ITGA9: variants seen among roughly 807,000 people sequenced by gnomAD.
The protein encoded by ITGA9 is integrin alpha-9.
A neutral mutation model predicts 127.8 loss-of-function variants in ITGA9; 56 were observed. The ratio of observed to expected loss-of-function variants is 0.44; its 90% CI spans 0.35 to 0.55. The LOEUF (loss-of-function observed/expected upper bound fraction) is 0.55, where lower values mean the gene tolerates loss of function less well. ITGA9 is among the 20% of genes least tolerant of loss of function. The pLI, the probability that ITGA9 is intolerant of heterozygous loss-of-function variation, is 0.00. For synonymous variants in ITGA9, 508 were observed against 514.5 expected, an observed-to-expected ratio of 0.99 and a Z score of 0.17; for missense variants, 1,196 against 1,347.1, an observed-to-expected ratio of 0.89 and a Z score of 1.76.
At chr3:37,472,913 C>CGGAT (rs1698448546) in intron 2 of ITGA9, among the ~76,000 whole-genome samples, 2 of 151,196 alleles carry the variant, frequency 1.3e-5, no homozygotes, top group African/African-American at 4.9e-5. Context: ...TTGGGGTGGG[C>CGGAT]GGATCACTTG....
chr3:37,592,132 C>T (rs1699826765), intron 15 of ITGA9, among the ~76,000 whole-genome samples: 1 of 152,144 alleles, frequency 6.6e-6, no homozygotes, highest in Non-Finnish European at 1.5e-5. Flanking sequence ...TGGACTGAGA[C>T]ATCTCCCTTT....
At chr3:37,722,305 C>T (rs1372921041) in intron 18 of ITGA9, among the ~76,000 whole-genome samples, 12 of 152,156 alleles carry the variant, frequency 7.9e-5, no homozygotes, top group Admixed American at 2.0e-4. Flanking sequence ...TAAACAGATT[C>T]GTTGAGATAT....
Position 37,452,258 on chromosome 3 carries a change from C to T in ITGA9, c.-117C>T. On this transcript the variant is annotated 5_prime_UTR_variant, in exon 1 of 28. Transcript: ENST00000264741. The surrounding 1 kb of genome is among the most constrained non-coding windows in gnomAD (Gnocchi z 7.3). ...GCGGGCCCGACGCCCGCATTCCGCCCGTGTCCAGGCGCAGAGCTCCCGCCC... is the reference window on the plus strand; with the variant it reads ...GCGGGCCCGACGCCCGCATTCCGCCTGTGTCCAGGCGCAGAGCTCCCGCCC... The T allele has an allele frequency of 2.2e-6, 1 of 455,498 alleles. No homozygotes were observed. The highest frequency in any genetic ancestry group is 2.9e-6 in the Non-Finnish European group (1 of 345,444). The allele number at this position is 455,498 out of a possible 1,614,324, so 28.2% of individuals were successfully genotyped here. A position where few individuals can be genotyped will look rare whatever the true frequency, so the allele number is the denominator to read the frequency against.
chr3:37,461,455 A>G (rs1008898958), intron 1 of ITGA9, among the ~76,000 whole-genome samples: 8 of 152,220 alleles, frequency 5.3e-5, no homozygotes, highest in South Asian at 4.1e-4. Flanking sequence ...TGCAAAGCCC[A>G]GAGCACAACA....
At chr3:37,588,924 C>T (rs1699786503) in intron 15 of ITGA9, among the ~76,000 whole-genome samples, 1 of 152,148 alleles carries the variant, frequency 6.6e-6, no homozygotes, top group African/African-American at 2.4e-5. Flanking sequence ...GGACCCAAGG[C>T]TGGGTCTGAG....
intron 15 of ITGA9, among the ~76,000 whole-genome samples, chr3:37,547,996 T>G (rs1288473217): frequency 2.0e-5 from 3 of 152,212 alleles, no homozygotes; most frequent in South Asian, 2.1e-4. Flanking sequence ...CAAATAGTAG[T>G]ATACTGTGTG....
intron 26 of ITGA9, among the ~76,000 whole-genome samples, chr3:37,801,842 G>A (rs1373857151): frequency 6.6e-6 from 1 of 152,166 alleles, no homozygotes; most frequent in Admixed American, 6.5e-5. Flanking sequence ...CTGAGGCTCA[G>A]AAACTGTGGT....
At chr3:37,695,550 G>A (rs1700876237) in intron 18 of ITGA9, among the ~76,000 whole-genome samples, 2 of 152,220 alleles carry the variant, frequency 1.3e-5, no homozygotes, top group Admixed American at 6.5e-5. Context: ...GAATGTGAAT[G>A]TACGGCTACA....
At chr3:37,729,939 T>C (rs1696266647) in intron 18 of ITGA9, among the ~76,000 whole-genome samples, 1 of 152,118 alleles carries the variant, frequency 6.6e-6, no homozygotes, top group African/African-American at 2.4e-5. Context: ...CTTGACCTCG[T>C]GAACCGCCTG....
intron 15 of ITGA9, among the ~76,000 whole-genome samples, chr3:37,560,051 A>G (rs201715296): frequency 6.6e-6 from 1 of 151,606 alleles, no homozygotes; most frequent in Non-Finnish European, 1.5e-5. Flanking sequence ...TGCTGCAGCC[A>G]TCAACTCATC....
At chr3:37,780,146 GC>G in intron 25 of ITGA9, 125 bp downstream of exon 25, 4 of 1,197,498 alleles carry the variant, frequency 3.3e-6, no homozygotes, top group East Asian at 2.4e-5. Context: ...CAATCTGGCT[GC>G]CCCCCCTTTT....
chr3:37,709,435 C>T (rs1430118405), intron 18 of ITGA9, among the ~76,000 whole-genome samples: 1 of 152,230 alleles, frequency 6.6e-6, no homozygotes, highest in Non-Finnish European at 1.5e-5. Flanking sequence ...TGGAAGCCTT[C>T]ATTTACCATC....
chr3:37,566,038 C>T (rs1205624861), intron 15 of ITGA9, among the ~76,000 whole-genome samples: 8 of 152,216 alleles, frequency 5.3e-5, no homozygotes, highest in Admixed American at 5.2e-4. Context: ...ACCCTGGCTC[C>T]TATTGTCTCT....
chr3:37,638,845 A>T lies in ITGA9; in HGVS notation c.1839+9509A>T, dbSNP rs536402480. On this transcript the variant is annotated intron_variant, in intron 16 of 27. Transcript: ENST00000264741. ...GTAACATGGAGATAGTGACCAGTAC[A>T]TGTTAAGTACAGGCTTACTGATTAA... Among the ~76,000 whole-genome samples, 11 of 152,322 alleles carry T rather than the reference A, an allele frequency of 7.2e-5. No homozygotes were observed. The East Asian group carries it at 1.9e-3, about 27-fold the overall frequency.
At chr3:37,557,296 C>T (rs1424220782) in intron 15 of ITGA9, among the ~76,000 whole-genome samples, 1 of 152,188 alleles carries the variant, frequency 6.6e-6, no homozygotes, top group African/African-American at 2.4e-5. Flanking sequence ...TCTTCCCTGA[C>T]AGGTTACTGT....
intron 1 of ITGA9, among the ~76,000 whole-genome samples, chr3:37,462,375 T>A (rs1177887101): frequency 6.6e-6 from 1 of 152,222 alleles, no homozygotes; most frequent in Non-Finnish European, 1.5e-5. Context: ...CTCCCTCCAT[T>A]TACTGTAACC....
In ITGA9 at chr3:37,519,262, G is replaced by A. The variant is rs756440738; in HGVS notation, c.1144G>A (p.Val382Met). The change falls in exon 11 of 28, where the codon GTG becomes ATG. Residue 382 changes from valine to methionine, a missense_variant and splice_region_variant. Transcript: ENST00000264741. ...CATAGCTGTTTTTTTACCCTCAGAT[G>A]TGGCCATTGGTGCACCCAAGGAGGA... ...DDLDNDGFPDVAIGAPKEDDF... is the reference protein window; with the variant it reads ...DDLDNDGFPDMAIGAPKEDDF... The A allele has an allele frequency of 6.2e-7, 1 of 1,613,480 alleles. No individual in the cohort carries two copies. The highest frequency in any genetic ancestry group is 1.3e-5 in the African/African-American group (1 of 74,912).
At chr3:37,496,924 T>C (rs988994591) in intron 5 of ITGA9, among the ~76,000 whole-genome samples, 1 of 152,242 alleles carries the variant, frequency 6.6e-6, no homozygotes, top group African/African-American at 2.4e-5. Flanking sequence ...TTGATACATG[T>C]TGGCAAATTG....
chr3:37,705,537 C>T (rs576649026), intron 18 of ITGA9, among the ~76,000 whole-genome samples: 4 of 152,336 alleles, frequency 2.6e-5, no homozygotes, highest in Admixed American at 2.0e-4. Context: ...CTTTCTTCCA[C>T]GTCTCTGAAA....
Sources: allele counts gnomAD v4.1 joint callset (sites outside exome capture counted in the v4.1 genomes callset), GRCh38; gene constraint gnomAD v4.1.1; non-coding constraint Gnocchi (gnomAD v3.1); transcripts MANE v1.5; gene names NCBI Gene and HGNC (gene_info 2026-07-23, HGNC 2026-07-21).